Variants in SSUH2 observed in about 807,000 individuals in gnomAD.
The protein encoded by SSUH2 is ssu-2 homolog, also known as protein SSUH2 homolog.
In SSUH2, 47 loss-of-function variants were observed where a neutral mutation model predicts 55.3. The observed-to-expected ratio is 0.85, with a 90% CI of 0.67 to 1.08. The LOEUF (loss-of-function observed/expected upper bound fraction) is 1.08, where lower values mean the gene tolerates loss of function less well. Ranked by LOEUF, SSUH2 falls within the 50% of genes least tolerant of loss-of-function variation. The probability of loss-of-function intolerance (pLI) is 0.00; values close to 1 mark genes in which losing one functional copy is unlikely to be tolerated. For synonymous variants in SSUH2, 212 were observed against 191.5 expected (o/e 1.11, Z -0.89); for missense variants, 535 against 490.7 (o/e 1.09, Z -0.85).
At position 8,630,852 on chromosome 3, in the gene SSUH2, G is replaced by A. The variant is rs1575107010; in HGVS notation, c.478C>T (p.Gln160Ter). ...ACCTGGAACTTCCTGGTGTCTTCCT[G>A]AAACATCGGAGGACCTTGAACCTTG... ...DIKVQGPPMF[Q>*]EDTRKFQVPH... The change falls in exon 6 of 12, where the codon CAG becomes TAG. Residue 160 changes from glutamine (Q) to a stop codon, truncating the protein, a stop_gained. Coordinates refer to ENST00000544814, the MANE Select transcript of SSUH2 (RefSeq NM_001256748.3). LOFTEE classifies it high-confidence loss of function. The A allele has an allele frequency of 6.6e-7, 1 of 1,507,718 alleles. No homozygotes were observed. The highest frequency in any genetic ancestry group is 1.4e-5 in the African/African-American group (1 of 69,822). 93.4% of individuals were successfully genotyped at this position (1,507,718 alleles called of 1,614,324 possible).
intron 1 of SSUH2, among the ~76,000 whole-genome samples, chr3:8,680,290 T>A (rs112491659): frequency 3.3e-5 from 5 of 150,530 alleles, no homozygotes; most frequent in Admixed American, 1.3e-4. Flanking sequence ...AGGCCCCCCA[T>A]GCTGTGGTGA....
At position 8,619,976 on chromosome 3, in the gene SSUH2, G is replaced by A. The variant is rs1228413142; in HGVS notation, c.1020C>T (p.His340=). The A allele has an allele frequency of 1.9e-6, 3 of 1,614,134 alleles. No individual in the cohort carries two copies. In the Admixed American group the frequency reaches 5.0e-5, roughly 27 times the overall value. Residue 340 remains histidine (H), a synonymous_variant, in exon 12 of 12, where the codon CAC becomes CAT. Transcript: ENST00000544814. ...TIELIPLTEV[H]YWYQGKTYVY... ...CATAAGTCTTTCCTTGGTACCAATA[G>A]TGAACTTCTGTGAGGGGGATCAGCT...
chr3:8,625,109 G>A lies in SSUH2; in HGVS notation c.873+433C>T, dbSNP rs150153960. ...TCCATCATAGTCCCCTCACCAGACT[G>A]TAAGCTCTATGAGGGCAGGGTCCTT... On this transcript the variant is annotated intron_variant, in intron 10 of 11. Coordinates refer to ENST00000544814, the MANE Select transcript of SSUH2 (RefSeq NM_001256748.3). Among the ~76,000 whole-genome samples the A allele has an allele frequency of 3.6e-3, 549 of 152,128 alleles. 4 individuals are homozygous for A. The highest frequency in any genetic ancestry group is 0.012 in the African/African-American group (515 of 41,478).
chr3:8,645,336 C>G (rs116372296), upstream of SSUH2, among the ~76,000 whole-genome samples: 248 of 152,284 alleles, frequency 1.6e-3, no homozygotes, highest in African/African-American at 5.7e-3. Context: ...CAAAGCCACA[C>G]GGCACCTCAT....
At chr3:8,662,114 A>G (rs1703550987) in intron 6 of SSUH2, among the ~76,000 whole-genome samples, 1 of 152,232 alleles carries the variant, frequency 6.6e-6, no homozygotes, top group Non-Finnish European at 1.5e-5. Flanking sequence ...CAGCAGTGCG[A>G]AAGTACACTA....
intron 6 of SSUH2, among the ~76,000 whole-genome samples, chr3:8,660,545 T>A (rs548697000): frequency 2.0e-5 from 3 of 152,204 alleles, no homozygotes; most frequent in African/African-American, 7.2e-5. Context: ...GACAACCCCC[T>A]GCCAGAGCAA....
chr3:8,637,815 C>A (rs1700162485), intron 1 of SSUH2, among the ~76,000 whole-genome samples: 1 of 151,166 alleles, frequency 6.6e-6, no homozygotes, highest in South Asian at 2.1e-4. Flanking sequence ...TCCAGCTGAA[C>A]TGCCCCATCT....
intron 3 of SSUH2, among the ~76,000 whole-genome samples, chr3:8,673,607 T>C (rs1057398299): frequency 6.6e-6 from 1 of 152,150 alleles, no homozygotes; most frequent in Non-Finnish European, 1.5e-5. Flanking sequence ...TTGATTGCCA[T>C]CGGTTGCTCA....
In SSUH2 at chr3:8,633,646, C is replaced by A. The variant is rs1182562907; in HGVS notation, c.339+20G>T. On this transcript the variant is annotated intron_variant, in intron 4 of 11. Coordinates refer to ENST00000544814, the MANE Select transcript of SSUH2 (RefSeq NM_001256748.3). ...CCCCAGCCCCCCGGCCAAGGCCCCC[C>A]ACCGGCCCTGGCCTCTCACCCTGCA... The A allele has an allele frequency of 2.0e-6, 3 of 1,499,660 alleles. No individual in the cohort carries two copies. Among genetic ancestry groups the A allele is most frequent in the Non-Finnish European group, 2.7e-6 (3 of 1,126,044 alleles). 92.9% of individuals were successfully genotyped at this position (1,499,660 alleles called of 1,614,324 possible).
chr3:8,632,131 G>A (rs1293673199), intron 4 of SSUH2, 22 bp from the exon 5 acceptor site: 1 of 1,600,818 alleles, frequency 6.2e-7, no homozygotes, highest in Non-Finnish European at 8.6e-7. Context: ...AAAACAGCAT[G>A]TTCACACTCG....
intron 7 of SSUH2, among the ~76,000 whole-genome samples, chr3:8,655,684 T>C (rs890625142): frequency 1.6e-4 from 25 of 152,346 alleles, no homozygotes; most frequent in Middle Eastern, 6.8e-3. Flanking sequence ...ATGCCTCGAA[T>C]CCATTTTCTG....
chr3:8,653,371 C>T (rs1053323016), intron 7 of SSUH2, among the ~76,000 whole-genome samples: 10 of 152,196 alleles, frequency 6.6e-5, no homozygotes, highest in Admixed American at 5.2e-4. Flanking sequence ...GGTCACCCCA[C>T]CTCCAATGTC....
chr3:8,622,410 G>C (rs749718221), intron 11 of SSUH2, among the ~76,000 whole-genome samples: 4 of 152,132 alleles, frequency 2.6e-5, no homozygotes, highest in African/African-American at 9.7e-5. Flanking sequence ...TGTGACTTAG[G>C]ACAGGTAACT....
rs371369720 is a variant in SSUH2 at position 8,652,337 on chromosome 3, G to A, written c.-307+6588C>T. On this transcript the variant is annotated intron_variant, in intron 7 of 18. Coordinates refer to the SSUH2 transcript ENST00000317371. ...GGAGTAGCCTTATAGACCAGTAACAGAAATGGCTTTACCATCTCCAGATTT... is the reference window on the plus strand; with the variant it reads ...GGAGTAGCCTTATAGACCAGTAACAAAAATGGCTTTACCATCTCCAGATTT... Among the ~76,000 whole-genome samples, 57 of 152,314 alleles carry A rather than the reference G, an allele frequency of 3.7e-4. 1 individual carries two copies. In the South Asian group the frequency reaches 7.7e-3, roughly 21 times the overall value.
chr3:8,663,662 C>T (rs1703712599), intron 6 of SSUH2: 2 of 363,276 alleles, frequency 5.5e-6, no homozygotes, highest in Admixed American at 6.5e-5. Flanking sequence ...CCAGGGGGTG[C>T]TAGGAATGTG....
chr3:8,674,542 C>G (rs1038049872), intron 3 of SSUH2, among the ~76,000 whole-genome samples: 2 of 152,148 alleles, frequency 1.3e-5, no homozygotes, highest in African/African-American at 4.8e-5. Flanking sequence ...ACCCCCTTAT[C>G]CAAAAAGGCT....
intron 3 of SSUH2, among the ~76,000 whole-genome samples, chr3:8,673,408 T>G (rs1382236263): frequency 1.3e-5 from 2 of 152,076 alleles, no homozygotes; most frequent in Admixed American, 1.3e-4. Context: ...CAAATGCCAC[T>G]GAGAGACCAG....
intron 3 of SSUH2, among the ~76,000 whole-genome samples, chr3:8,672,951 G>C (rs1351215647): frequency 6.6e-6 from 1 of 151,878 alleles, no homozygotes; most frequent in Non-Finnish European, 1.5e-5. Flanking sequence ...TCCCTCTCTG[G>C]ACATTAGGAA....
intron 1 of SSUH2, among the ~76,000 whole-genome samples, chr3:8,640,415 G>A (rs994432436): frequency 2.5e-4 from 38 of 152,232 alleles, no homozygotes; most frequent in Middle Eastern, 3.4e-3. Context: ...CCCCTGCAGT[G>A]ACTCACTATT....
Sources: gnomAD v4.1 joint callset for allele counts (sites outside exome capture counted in the v4.1 genomes callset) on GRCh38, gnomAD v4.1.1 for gene constraint, MANE v1.5 for transcripts, NCBI Gene and HGNC (gene_info 2026-07-23, HGNC 2026-07-21) for gene names.